The following PRSS23 variants were observed in gnomAD, a reference collection of about 807,000 sequenced individuals.
PRSS23 encodes the protein serine protease 23.
Under a neutral mutation model 34.7 loss-of-function variants are expected in PRSS23, and 25 were observed. The ratio of observed to expected loss-of-function variants is 0.72; its 90% CI spans 0.53 to 1.01. The LOEUF is 1.01. PRSS23 is among the 50% of genes least tolerant of loss of function. PRSS23 has a pLI of 0.00. For missense variants in PRSS23, 445 were observed against 475.6 expected (o/e 0.94, Z 0.60); for synonymous variants, 176 against 186.6 (o/e 0.94, Z 0.46).
intron 2 of PRSS23, among the ~76,000 whole-genome samples, chr11:86,855,638 G>A (rs1948564672): frequency 6.6e-6 from 1 of 152,178 alleles, no homozygotes; most frequent in Non-Finnish European, 1.5e-5. Flanking sequence ...TGGGACTGCA[G>A]GCATGCACCA....
intron 2 of PRSS23, among the ~76,000 whole-genome samples, chr11:86,906,494 C>T (rs955413694): frequency 6.6e-6 from 1 of 152,212 alleles, no homozygotes; most frequent in Non-Finnish European, 1.5e-5. Flanking sequence ...GCTGGGACCG[C>T]GAGGTTGCCC....
At chr11:86,896,627 C>T (rs571600764) in intron 2 of PRSS23, 1 of 152,360 alleles carries the variant, frequency 6.6e-6, no homozygotes, top group African/African-American at 2.4e-5. Context: ...TTTCTGGGCT[C>T]AACCCAGACA....
chr11:86,946,185 AC>A (rs1949240804), intron 2 of PRSS23: 1 of 152,186 alleles, frequency 6.6e-6, no homozygotes, highest in Non-Finnish European at 1.5e-5. Context: ...CCCAAAGCCC[AC>A]AGCCAAGTCA....
intron 2 of PRSS23, chr11:86,892,204 A>C (rs552451517): frequency 1.3e-5 from 2 of 152,198 alleles, no homozygotes; most frequent in African/African-American, 4.8e-5. Flanking sequence ...AAAATGACCA[A>C]ATGTCTCACA....
chr11:86,898,923 G>T lies in PRSS23; in HGVS notation c.207-52293G>T, dbSNP rs544471031. ...TTGTGGCACAGAGTTACTGGACTAG[G>T]TAGTGATCAGAAACCAAGCCCAGGT... On this transcript the variant is annotated intron_variant, in intron 2 of 2. Coordinates refer to the PRSS23 transcript ENST00000533902. Among the ~76,000 whole-genome samples, 148 of 152,258 alleles carry T rather than the reference G, an allele frequency of 9.7e-4. 1 individual carries two copies. The highest frequency in any genetic ancestry group is 1.2e-3 in the Non-Finnish European group (79 of 68,016).
At chr11:86,922,939 G>A (rs1383284771) in intron 2 of PRSS23, among the ~76,000 whole-genome samples, 1 of 152,124 alleles carries the variant, frequency 6.6e-6, no homozygotes. Context: ...AATGTGGTTA[G>A]TCTGAATTGA....
intron 2 of PRSS23, among the ~76,000 whole-genome samples, chr11:86,844,676 A>T (rs1463967145): frequency 1.3e-5 from 2 of 152,234 alleles, no homozygotes; most frequent in African/African-American, 4.8e-5. Context: ...GAATGCTGTG[A>T]ATACTAATCA....
chr11:86,861,727 G>A (rs1035465544), intron 2 of PRSS23, among the ~76,000 whole-genome samples: 5 of 151,768 alleles, frequency 3.3e-5, no homozygotes, highest in Non-Finnish European at 5.9e-5. Flanking sequence ...TGACTCAGGG[G>A]TGTACACCCC....
At chr11:86,801,852 G>T (rs1018359182) in intron 1 of PRSS23, among the ~76,000 whole-genome samples, 1 of 152,204 alleles carries the variant, frequency 6.6e-6, no homozygotes, top group South Asian at 2.1e-4. Flanking sequence ...CCCCATCTGC[G>T]TACGAAAAGG....
In PRSS23 at chr11:86,867,305, CCT is replaced by C. The variant is rs1420159933; in HGVS notation, c.206+43715_206+43716del. 2.0e-5 allele frequency among the ~76,000 whole-genome samples: 3 copies of C among 152,214 alleles called. No individual in the cohort carries two copies. The East Asian group carries it at 5.8e-4, about 29-fold the overall frequency. ...TGGCTCTCAAAACTATTCTCTCATG[CCT>C]CTGTGTTCCCACAATGCCTTGCACC... is the stretch of plus-strand genomic sequence containing the variant. On this transcript the variant is annotated intron_variant, in intron 2 of 2. Transcript: ENST00000533902.
Position 86,951,410 on chromosome 11 carries a change from G to A in PRSS23, c.*125G>A, listed in dbSNP as rs757405807. ...ATAAAAATAACAGGCAATCACACAC[G>A]TTGCAGGAACTGTGTACAGTACTGA... On this transcript the variant is annotated 3_prime_UTR_variant, in exon 3 of 3. Transcript: ENST00000533902. The A allele has an allele frequency of 1.4e-5, 22 of 1,612,228 alleles. 2 individuals are homozygous for A. The highest frequency in any genetic ancestry group is 1.3e-4 in the South Asian group (12 of 91,056).
At chr11:86,798,519 C>A (rs556378151), upstream of PRSS23, among the ~76,000 whole-genome samples, 2 of 152,290 alleles carry the variant, frequency 1.3e-5, no homozygotes, top group East Asian at 3.9e-4. Flanking sequence ...AGTGGCAGAG[C>A]CACAGGGAAG....
chr11:86,895,773 C>A (rs760352455), intron 2 of PRSS23, among the ~76,000 whole-genome samples: 9 of 152,158 alleles, frequency 5.9e-5, no homozygotes, highest in Non-Finnish European at 1.2e-4. Context: ...AACCACCGTG[C>A]CTGGCCTGTA....
At chr11:86,793,724 A>G (rs1947965115) in intron 1 of PRSS23, among the ~76,000 whole-genome samples, 1 of 152,210 alleles carries the variant, frequency 6.6e-6, no homozygotes, top group South Asian at 2.1e-4. Context: ...TTAGAATTTT[A>G]TTCATTAATT....
rs532250351 is a variant in PRSS23, at chr11:86,858,682, C to T, written c.206+35089C>T. On this transcript the variant is annotated intron_variant, in intron 2 of 2. Coordinates refer to the PRSS23 transcript ENST00000533902. ...GATGGTGTTCCTAATATCCAGTGGG[C>T]GACAGGATGATATTACTCCCAATAT... 2.7e-4 allele frequency among the ~76,000 whole-genome samples: 39 copies of T among 146,432 alleles called. No individual in the cohort carries two copies. In the South Asian group the frequency reaches 4.4e-3, roughly 17 times the overall value.
chr11:86,862,269 G>A (rs1948621396), intron 2 of PRSS23, among the ~76,000 whole-genome samples: 1 of 151,796 alleles, frequency 6.6e-6, no homozygotes, highest in Admixed American at 6.6e-5. Context: ...TAATATCCTT[G>A]GGGTATGTTA....
intron 2 of PRSS23, among the ~76,000 whole-genome samples, chr11:86,885,369 G>A (rs977544255): frequency 1.3e-5 from 2 of 152,176 alleles, no homozygotes; most frequent in Admixed American, 6.5e-5. Flanking sequence ...AATTAGAGGC[G>A]AAGTCCCATA....
chr11:86,928,300 A>G (rs901999839), intron 2 of PRSS23, among the ~76,000 whole-genome samples: 1 of 148,332 alleles, frequency 6.7e-6, no homozygotes, highest in African/African-American at 2.5e-5. Context: ...ACATAAATAT[A>G]CTTACATAAG....
chr11:86,826,523 C>A (rs1948302247), intron 2 of PRSS23, among the ~76,000 whole-genome samples: 1 of 152,152 alleles, frequency 6.6e-6, no homozygotes, highest in Non-Finnish European at 1.5e-5. Flanking sequence ...GAACTTCCAA[C>A]ACTATGTTGA....
Sources: gnomAD v4.1 joint callset for allele counts (sites outside exome capture counted in the v4.1 genomes callset) on GRCh38, gnomAD v4.1.1 for gene constraint, MANE v1.5 for transcripts, NCBI Gene and HGNC (gene_info 2026-07-23, HGNC 2026-07-21) for gene names.